The following CSTL1 variants were observed in gnomAD, a reference collection of about 807,000 sequenced individuals.
CSTL1 encodes cystatin like 1.
In CSTL1, 14 loss-of-function variants were observed where a neutral mutation model predicts 14.4. The ratio of observed to expected loss-of-function variants is 0.97; its 90% CI spans 0.64 to 1.52. The LOEUF (loss-of-function observed/expected upper bound fraction) is 1.52, where lower values mean the gene tolerates loss of function less well. CSTL1 is among the 40% of genes most tolerant of loss of function. The probability of loss-of-function intolerance (pLI) is 0.00; values close to 1 mark genes in which losing one functional copy is unlikely to be tolerated. For synonymous variants in CSTL1, 72 were observed against 67.5 expected (o/e 1.07, Z -0.33); for missense variants, 170 against 168.7 (o/e 1.01, Z -0.04).
the CSTL1 span, among the ~76,000 whole-genome samples, chr20:23,450,171 G>A: frequency 6.6e-6 from 1 of 151,986 alleles, no homozygotes; most frequent in South Asian, 2.1e-4. Context: ...TCCTTATTCT[G>A]CTTCTCAGTT....
At chr20:23,447,668 C>T (rs1986995428), downstream of CSTL1, among the ~76,000 whole-genome samples, 2 of 152,042 alleles carry the variant, frequency 1.3e-5, no homozygotes, top group Admixed American at 1.3e-4. Flanking sequence ...ACCATGTTGG[C>T]CAGGCTGGTC....
the CSTL1 span, among the ~76,000 whole-genome samples, chr20:23,450,210 T>C: frequency 6.6e-6 from 1 of 152,128 alleles, no homozygotes; most frequent in Non-Finnish European, 1.5e-5. Flanking sequence ...ATCTAAAGAA[T>C]CTTAAAATCT....
chr20:23,449,952 C>G, the CSTL1 span, among the ~76,000 whole-genome samples: 1 of 152,150 alleles, frequency 6.6e-6, no homozygotes. Context: ...AGAAAGTGCA[C>G]TTGCTTGCAA....
the CSTL1 span, among the ~76,000 whole-genome samples, chr20:23,454,661 C>A: frequency 6.6e-6 from 1 of 152,184 alleles, no homozygotes; most frequent in Non-Finnish European, 1.5e-5. Context: ...TCTGGTGGCA[C>A]AAAGGCAAAG....
chr20:23,461,060 C>T, the CSTL1 span, among the ~76,000 whole-genome samples: 4 of 152,170 alleles, frequency 2.6e-5, no homozygotes, highest in African/African-American at 9.7e-5. Flanking sequence ...TCAGAAATTG[C>T]CACAGCCAAC....
chr20:23,452,567 G>T, the CSTL1 span: 1 of 1,529,342 alleles, frequency 6.5e-7, no homozygotes, highest in East Asian at 2.2e-5. Flanking sequence ...GGGAGAGGCG[G>T]GAAGTCATAC....
the CSTL1 span, among the ~76,000 whole-genome samples, chr20:23,450,138 A>G: frequency 6.6e-6 from 1 of 152,106 alleles, no homozygotes; most frequent in Non-Finnish European, 1.5e-5. Flanking sequence ...TTGGCTGTTC[A>G]GTTGCTTTGA....
At chr20:23,455,920 T>C in the CSTL1 span, among the ~76,000 whole-genome samples, 1 of 152,204 alleles carries the variant, frequency 6.6e-6, no homozygotes, top group Non-Finnish European at 1.5e-5. Context: ...TCTTGTCTTT[T>C]TTCCCCTCTG....
the CSTL1 span, among the ~76,000 whole-genome samples, chr20:23,456,083 C>T: frequency 7.7e-4 from 118 of 152,280 alleles, no homozygotes; most frequent in African/African-American, 2.6e-3. Context: ...AAGCTGTGGC[C>T]CACTCCCCTG....
chr20:23,456,276 T>C, the CSTL1 span, among the ~76,000 whole-genome samples: 3 of 152,202 alleles, frequency 2.0e-5, no homozygotes, highest in East Asian at 5.8e-4. Context: ...GAAATGCTAG[T>C]TTTTGGAGAT....
At chr20:23,440,924 A>C in intron 2 of CSTL1, 1 of 252,006 alleles carries the variant, frequency 4.0e-6, no homozygotes, top group Non-Finnish European at 7.8e-6. Context: ...ACCTGGCTAA[A>C]TTTTTTGTAT....
chr20:23,446,253 CT>C (rs552330748), downstream of CSTL1, among the ~76,000 whole-genome samples: 343 of 145,622 alleles, frequency 2.4e-3, no homozygotes, highest in African/African-American at 6.3e-3. Flanking sequence ...GCCTTTCTTT[CT>C]TTTTTTTTTT....
the CSTL1 span, chr20:23,452,546 T>G: frequency 2.3e-6 from 3 of 1,322,042 alleles, no homozygotes; most frequent in African/African-American, 1.4e-5. Context: ...GATGTGGGCG[T>G]ATCAGGCCTG....
rs578121943 is a variant in CSTL1, at chr20:23,440,421, T to C, written c.154T>C (p.Tyr52His). The change falls in exon 2 of 4, where the codon TAC (tyrosine) becomes CAC (histidine). Residue 52 changes from tyrosine (Y) to histidine (H), a missense_variant. By Grantham distance (83) the Tyr-to-His change is moderately conservative. Coordinates refer to ENST00000347397, the MANE Select transcript of CSTL1 (RefSeq NM_138283.1). ...AACACTCAACTTCTTCATTCAATCCTACAACAATGCCAGCAACGACACCTA... is the reference window on the plus strand; with the variant it reads ...AACACTCAACTTCTTCATTCAATCCCACAACAATGCCAGCAACGACACCTA... ...NSTLNFFIQS[Y>H]NNASNDTYLY... 5.0e-6 allele frequency: 8 copies of C among 1,614,172 alleles called. No individual in the cohort carries two copies. Among genetic ancestry groups the C allele is most frequent in the Middle Eastern group, 1.6e-4 (1 of 6,062 alleles).
At chr20:23,451,039 C>T in the CSTL1 span, among the ~76,000 whole-genome samples, 1 of 152,138 alleles carries the variant, frequency 6.6e-6, no homozygotes, top group Non-Finnish European at 1.5e-5. Flanking sequence ...CCCCATCCAT[C>T]CATTTACCCA....
chr20:23,444,760 T>G lies in CSTL1; in HGVS notation c.331-11T>G, dbSNP rs1169802636. On this transcript the variant is annotated splice_polypyrimidine_tract_variant and intron_variant, in intron 3 of 3. Coordinates refer to ENST00000347397, the MANE Select transcript of CSTL1 (RefSeq NM_138283.1). ...CTTCCCCCAAAGTCTGTTTTCTTTC[T>G]TCTTCTACAGAGTTTAATTTGCGAG... 2 of 1,579,542 alleles carry G rather than the reference T, an allele frequency of 1.3e-6. No homozygotes were observed. The highest frequency in any genetic ancestry group is 1.7e-6 in the Non-Finnish European group (2 of 1,148,592).
chr20:23,447,519 A>T (rs1986992924), downstream of CSTL1, among the ~76,000 whole-genome samples: 1 of 146,590 alleles, frequency 6.8e-6, no homozygotes, highest in Non-Finnish European at 1.5e-5. Flanking sequence ...CCCAGGCCGC[A>T]GTGCAGTGGC....
At chr20:23,450,651 A>G in the CSTL1 span, 1 of 1,242,970 alleles carries the variant, frequency 8.0e-7, no homozygotes, top group Non-Finnish European at 1.1e-6. Context: ...AAGGAGAAGG[A>G]AGAGGATGTA....
At chr20:23,451,934 G>A in the CSTL1 span, 22 of 1,596,112 alleles carry the variant, frequency 1.4e-5, no homozygotes, top group East Asian at 4.9e-4. Flanking sequence ...TGGGCGCCAG[G>A]CGTGGGGGAG....
Sources: gnomAD v4.1 joint callset for allele counts (sites outside exome capture counted in the v4.1 genomes callset) on GRCh38, gnomAD v4.1.1 for gene constraint, MANE v1.5 for transcripts, NCBI Gene and HGNC (gene_info 2026-07-23, HGNC 2026-07-21) for gene names.